The following ROBO2 variants were observed in gnomAD, a reference collection of about 807,000 sequenced individuals.
ROBO2 encodes the protein roundabout guidance receptor 2.
Under a neutral mutation model 160.8 loss-of-function variants are expected in ROBO2, and 53 were observed. That is an observed-to-expected ratio of 0.33 (90% confidence interval 0.26 to 0.41). The LOEUF is 0.41. Among genes scored for constraint, ROBO2 ranks in the 10% least tolerant of loss-of-function variants. The probability of loss-of-function intolerance (pLI) is 1.00; values close to 1 mark genes in which losing one functional copy is unlikely to be tolerated. For missense variants in ROBO2, 1,577 were observed against 1,722.4 expected, an observed-to-expected ratio of 0.92 and a Z score of 1.49; for synonymous variants, 664 against 611.7, an observed-to-expected ratio of 1.09 and a Z score of -1.26.
intron 5 of ROBO2, among the ~76,000 whole-genome samples, chr3:77,493,829 A>G (rs1368091320): frequency 1.3e-5 from 2 of 152,182 alleles, no homozygotes; most frequent in African/African-American, 2.4e-5. Context: ...GTCCTGGAGT[A>G]AAGGAAAGGT....
chr3:75,974,610 A>C (rs1306925762), intron 2 of ROBO2, among the ~76,000 whole-genome samples: 1 of 151,534 alleles, frequency 6.6e-6, no homozygotes, highest in Non-Finnish European at 1.5e-5. Flanking sequence ...TACTACTTCA[A>C]ATGTATATTT....
chr3:76,861,803 A>G (rs1428222005), intron 2 of ROBO2, among the ~76,000 whole-genome samples: 1 of 152,154 alleles, frequency 6.6e-6, no homozygotes, highest in African/African-American at 2.4e-5. Flanking sequence ...CCATTCAGTA[A>G]TCATCCAAGA....
At chr3:76,083,895 C>T (rs2068921813) in intron 2 of ROBO2, among the ~76,000 whole-genome samples, 1 of 152,150 alleles carries the variant, frequency 6.6e-6, no homozygotes, top group Non-Finnish European at 1.5e-5. Flanking sequence ...GTTACCACAA[C>T]TGCATGCTCA....
At chr3:77,044,155 CA>C (rs1433353706) in intron 1 of ROBO2, among the ~76,000 whole-genome samples, 1 of 149,538 alleles carries the variant, frequency 6.7e-6, no homozygotes, top group Admixed American at 6.6e-5. Context: ...GAACATTAAG[CA>C]AAAATATTGT....
In ROBO2 at chr3:76,415,693, C is replaced by A. The variant is rs573735086; in HGVS notation, c.109+478091C>A. ...GAAAAATGGACTACATTTCTTATAG[C>A]TGCTCCTTATAAATATGCGTAGGTA... On this transcript the variant is annotated intron_variant, in intron 2 of 26. Transcript: ENST00000487694. 2.6e-5 allele frequency among the ~76,000 whole-genome samples: 4 copies of A among 152,246 alleles called. 1 individual carries two copies. In the South Asian group the frequency reaches 6.2e-4, roughly 24 times the overall value.
rs757286024 is a variant in ROBO2, at chr3:76,271,978, A to G, written c.109+334376A>G. Reference sequence around the variant, plus strand: ...CCCATTCTAGTTGTCTCTTTTTCTGATATGTATCATTTAAAATTAGAATGT... The same window carrying G: ...CCCATTCTAGTTGTCTCTTTTTCTGGTATGTATCATTTAAAATTAGAATGT... On this transcript the variant is annotated intron_variant, in intron 2 of 26. Coordinates refer to the ROBO2 transcript ENST00000487694. Among the ~76,000 whole-genome samples, 140 of 152,070 alleles carry G rather than the reference A, an allele frequency of 9.2e-4. 4 individuals are homozygous for G. The highest frequency in any genetic ancestry group is 2.5e-4 in the Non-Finnish European group (17 of 68,004).
intron 2 of ROBO2, among the ~76,000 whole-genome samples, chr3:77,248,060 G>A (rs62249676): frequency 0.26 from 39,433 of 151,954 alleles, 6,170 homozygotes; most frequent in Non-Finnish European, 0.35. Context: ...GAGAGGAGAA[G>A]CAGCTGAATG....
At chr3:77,328,239 G>A (rs572459961) in intron 2 of ROBO2, among the ~76,000 whole-genome samples, 289 of 151,806 alleles carry the variant, frequency 1.9e-3, no homozygotes, top group Middle Eastern at 3.4e-3. Flanking sequence ...CAGTGATGGT[G>A]AGCCACACAG....
chr3:77,645,119 T>A (rs1246740647), intron 25 of ROBO2, among the ~76,000 whole-genome samples: 1 of 152,192 alleles, frequency 6.6e-6, no homozygotes, highest in Non-Finnish European at 1.5e-5. Context: ...CACGTTGGAT[T>A]TATGCTATAA....
rs60599175 is a variant in ROBO2, at chr3:75,924,681, C to CTTTTTTTTTTTTTTTTTTTTTTTT, written c.-13-12799_-13-12776dup. On this transcript the variant is annotated intron_variant, in intron 1 of 26. Coordinates refer to the ROBO2 transcript ENST00000487694. Reference sequence around the variant, plus strand: ...AATTATTGGGAATTTATTTTCTTTTCTTTTTTTTTTTTTTTTTTTTTTTTG... The same window carrying CTTTTTTTTTTTTTTTTTTTTTTTT: ...AATTATTGGGAATTTATTTTCTTTTCTTTTTTTTTTTTTTTTTTTTTTTTTTTTTTTTTTTTTTTTTTTTTTTTG... Among the ~76,000 whole-genome samples, 6 of 66,018 alleles carry CTTTTTTTTTTTTTTTTTTTTTTTT rather than the reference C, an allele frequency of 9.1e-5. 1 individual carries two copies. The highest frequency in any genetic ancestry group is 2.9e-4 in the Admixed American group (1 of 3,500). 43.3% of individuals were successfully genotyped at this position (66,018 alleles called of 152,430 possible).
At chr3:76,403,334 ATCTGTCAT>A (rs780378725) in intron 2 of ROBO2, among the ~76,000 whole-genome samples, 8 of 151,672 alleles carry the variant, frequency 5.3e-5, no homozygotes, top group Non-Finnish European at 1.2e-4. Flanking sequence ...TTTTACAGAT[ATCTGTCAT>A]ACTTGAAACT....
intron 2 of ROBO2, among the ~76,000 whole-genome samples, chr3:77,352,407 T>C (rs2068480039): frequency 6.6e-6 from 1 of 152,120 alleles, no homozygotes; most frequent in African/African-American, 2.4e-5. Flanking sequence ...TGACATCCTG[T>C]GTCTATACAC....
At chr3:75,922,325 G>A (rs1398097200) in intron 1 of ROBO2, among the ~76,000 whole-genome samples, 4 of 151,962 alleles carry the variant, frequency 2.6e-5, no homozygotes, top group South Asian at 4.2e-4. Context: ...GCAACATTAC[G>A]GTTAAAACTA....
At chr3:76,655,616 G>T (rs1177948101) in intron 2 of ROBO2, among the ~76,000 whole-genome samples, 1 of 147,684 alleles carries the variant, frequency 6.8e-6, no homozygotes, top group Non-Finnish European at 1.5e-5. Context: ...TGGATTCATT[G>T]TTATTCATTA....
chr3:76,396,756 C>T lies in ROBO2; in HGVS notation c.109+459154C>T, dbSNP rs2077476816. Among the ~76,000 whole-genome samples the T allele has an allele frequency of 2.0e-5, 3 of 152,090 alleles. No homozygotes were observed. The South Asian group carries it at 6.2e-4, about 31-fold the overall frequency. ...AAAGAGAATAAAATACCTAGGAATC[C>T]AACTTACGAGGGACGTGAAGGACCT... On this transcript the variant is annotated intron_variant, in intron 2 of 26. Transcript: ENST00000487694.
chr3:76,863,977 C>T (rs930608558), intron 2 of ROBO2, among the ~76,000 whole-genome samples: 4 of 151,954 alleles, frequency 2.6e-5, no homozygotes, highest in Admixed American at 6.6e-5. Flanking sequence ...TGAAATATAA[C>T]TTCTCTAATA....
intron 2 of ROBO2, among the ~76,000 whole-genome samples, chr3:76,969,247 A>G (rs776120692): frequency 2.0e-5 from 3 of 152,206 alleles, no homozygotes; most frequent in Non-Finnish European, 4.4e-5. Flanking sequence ...AAGTTAAAAG[A>G]TTCCTTATGA....
At chr3:76,232,123 C>T (rs1576009996) in intron 2 of ROBO2, among the ~76,000 whole-genome samples, 1 of 152,126 alleles carries the variant, frequency 6.6e-6, no homozygotes, top group Non-Finnish European at 1.5e-5. Flanking sequence ...TGATCAGCTA[C>T]AGAGACAGCA....
intron 5 of ROBO2, among the ~76,000 whole-genome samples, chr3:77,513,099 T>C (rs1354670542): frequency 6.6e-6 from 1 of 151,896 alleles, no homozygotes; most frequent in Non-Finnish European, 1.5e-5. Flanking sequence ...ATAGAGTCCT[T>C]ACATAATTCA....
Sources: allele counts gnomAD v4.1 joint callset (sites outside exome capture counted in the v4.1 genomes callset), GRCh38; gene constraint gnomAD v4.1.1; transcripts MANE v1.5; gene names NCBI Gene and HGNC (gene_info 2026-07-23, HGNC 2026-07-21).